ARHGAP10: variants seen among roughly 807,000 people sequenced by gnomAD.
ARHGAP10 encodes rho GTPase-activating protein 10.
A neutral mutation model predicts 108.6 loss-of-function variants in ARHGAP10; 87 were observed. The observed-to-expected ratio is 0.80, with a 90% CI of 0.67 to 0.96. The LOEUF is 0.96. Ranked by LOEUF, ARHGAP10 falls within the 40% of genes least tolerant of loss-of-function variation. The pLI is 0.00. For missense variants in ARHGAP10, 939 were observed against 954.5 expected (o/e 0.98, Z 0.21); for synonymous variants, 347 against 341.1 (o/e 1.02, Z -0.19).
intron 12 of ARHGAP10, among the ~76,000 whole-genome samples, chr4:147,910,378 C>A (rs372678180): frequency 3.0e-4 from 45 of 151,812 alleles, no homozygotes; most frequent in African/African-American, 1.0e-3. Flanking sequence ...AAAATACTTT[C>A]TCTACATTTA....
chr4:147,957,506 A>G (rs1190800701), intron 16 of ARHGAP10, among the ~76,000 whole-genome samples: 3 of 152,212 alleles, frequency 2.0e-5, no homozygotes, highest in African/African-American at 4.8e-5. Flanking sequence ...TTCCGTGAAC[A>G]GTGACACAGC....
chr4:147,997,689 A>G (rs1173724250), intron 18 of ARHGAP10, among the ~76,000 whole-genome samples: 5 of 152,222 alleles, frequency 3.3e-5, no homozygotes, highest in African/African-American at 2.4e-5. Flanking sequence ...ATCAAAGAAT[A>G]ACTTAACCTG....
chr4:148,020,083 G>A (rs1741508819), intron 18 of ARHGAP10, among the ~76,000 whole-genome samples: 1 of 152,176 alleles, frequency 6.6e-6, no homozygotes, highest in Admixed American at 6.5e-5. Context: ...TGAATGTCAT[G>A]TCAGCGCTCA....
intron 7 of ARHGAP10, among the ~76,000 whole-genome samples, chr4:147,869,906 C>T (rs1734732824): frequency 1.3e-5 from 2 of 151,518 alleles, no homozygotes; most frequent in South Asian, 2.1e-4. Context: ...ATTTCTTGGC[C>T]ATTCATCTCA....
At chr4:147,869,772 G>A (rs1734724760) in intron 7 of ARHGAP10, among the ~76,000 whole-genome samples, 2 of 151,366 alleles carry the variant, frequency 1.3e-5, no homozygotes, top group South Asian at 4.2e-4. Context: ...TGATCTAGGT[G>A]GCGTCTTTGT....
intron 20 of ARHGAP10, among the ~76,000 whole-genome samples, chr4:148,051,148 T>C (rs370160800): frequency 6.6e-6 from 1 of 152,222 alleles, no homozygotes; most frequent in Non-Finnish European, 1.5e-5. Flanking sequence ...TGCAGCAGAA[T>C]TGGATTCCTT....
chr4:147,920,857 A>G (rs1045509499), intron 13 of ARHGAP10, among the ~76,000 whole-genome samples: 4 of 152,328 alleles, frequency 2.6e-5, no homozygotes, highest in African/African-American at 7.2e-5. Context: ...TTTAGAGGAA[A>G]CTCAGCAAAG....
At chr4:148,015,236 G>C (rs535553937) in intron 18 of ARHGAP10, among the ~76,000 whole-genome samples, 1 of 152,286 alleles carries the variant, frequency 6.6e-6, no homozygotes, top group East Asian at 1.9e-4. Context: ...CCCCAGAAGA[G>C]GAAGTACATG....
chr4:147,886,103 G>A (rs1013985997), intron 10 of ARHGAP10, among the ~76,000 whole-genome samples: 2 of 152,178 alleles, frequency 1.3e-5, no homozygotes, highest in Non-Finnish European at 2.9e-5. Context: ...TGAATTTCTT[G>A]TTGAGATTTG....
At chr4:148,067,500 G>A (rs923813446) in intron 22 of ARHGAP10, among the ~76,000 whole-genome samples, 1 of 152,156 alleles carries the variant, frequency 6.6e-6, no homozygotes, top group African/African-American at 2.4e-5. Context: ...GGCCACTCTA[G>A]ACAGCTCAGC....
At chr4:147,893,498 A>G (rs1032109640) in intron 10 of ARHGAP10, among the ~76,000 whole-genome samples, 1 of 147,698 alleles carries the variant, frequency 6.8e-6, no homozygotes, top group Non-Finnish European at 1.5e-5. Context: ...TACATATTTC[A>G]ATAAAAAGGT....
At chr4:147,856,713 T>C (rs1734099106) in intron 4 of ARHGAP10, among the ~76,000 whole-genome samples, 1 of 152,192 alleles carries the variant, frequency 6.6e-6, no homozygotes, top group Non-Finnish European at 1.5e-5. Context: ...TATCCAAAAA[T>C]CTCTACCACT....
intron 1 of ARHGAP10, among the ~76,000 whole-genome samples, chr4:147,776,897 A>G (rs1730317569): frequency 6.6e-6 from 1 of 152,240 alleles, no homozygotes; most frequent in South Asian, 2.1e-4. Context: ...GGACGATAGT[A>G]CTATGGTAAA....
intron 18 of ARHGAP10, among the ~76,000 whole-genome samples, chr4:147,972,374 C>T (rs1739445832): frequency 6.6e-6 from 1 of 151,918 alleles, no homozygotes; most frequent in African/African-American, 2.4e-5. Context: ...GTAATAGTAT[C>T]CCTGTATGGG....
chr4:148,017,905 C>G (rs1741412205), intron 18 of ARHGAP10, among the ~76,000 whole-genome samples: 1 of 151,978 alleles, frequency 6.6e-6, no homozygotes, highest in African/African-American at 2.4e-5. Context: ...GGTAACAGAG[C>G]ATGAAGGACT....
intron 18 of ARHGAP10, among the ~76,000 whole-genome samples, chr4:147,998,357 C>T (rs2149642058): frequency 6.6e-6 from 1 of 152,276 alleles, no homozygotes; most frequent in African/African-American, 2.4e-5. Flanking sequence ...AAAGAGCAAT[C>T]ATCTATTCCC....
intron 10 of ARHGAP10, among the ~76,000 whole-genome samples, chr4:147,893,349 C>T (rs910827708): frequency 1.3e-5 from 2 of 151,562 alleles, no homozygotes; most frequent in Non-Finnish European, 2.9e-5. Flanking sequence ...TGAGCCACTG[C>T]TCCCGGCAGG....
intron 1 of ARHGAP10, among the ~76,000 whole-genome samples, chr4:147,803,950 A>G (rs868764858): frequency 1.7e-4 from 26 of 149,520 alleles, no homozygotes; most frequent in Non-Finnish European, 2.5e-4. Flanking sequence ...TTGGATAAAT[A>G]TTCGATAGTG....
chr4:147,833,928 A>T (rs1337082006), intron 3 of ARHGAP10, among the ~76,000 whole-genome samples: 1 of 152,216 alleles, frequency 6.6e-6, no homozygotes, highest in South Asian at 2.1e-4. Context: ...AGGAGGAGTG[A>T]CATTGACTAT....
Sources: allele counts gnomAD v4.1 joint callset (sites outside exome capture counted in the v4.1 genomes callset), GRCh38; gene constraint gnomAD v4.1.1; transcripts MANE v1.5; gene names NCBI Gene and HGNC (gene_info 2026-07-23, HGNC 2026-07-21).